The following TMEM170A variants were observed in gnomAD, a reference collection of about 807,000 sequenced individuals.
TMEM170A encodes the protein transmembrane protein 170A, also known as transmembrane protein 170.
Under a neutral mutation model 12.8 loss-of-function variants are expected in TMEM170A, and 18 were observed. The ratio of observed to expected loss-of-function variants is 1.41; its 90% CI spans 0.97 to 2.09. TMEM170A has a LOEUF of 2.09. TMEM170A is among the 30% of genes most tolerant of loss of function. The pLI, the probability that TMEM170A is intolerant of heterozygous loss-of-function variation, is 0.00. For missense variants in TMEM170A, 220 were observed against 179.9 expected, an observed-to-expected ratio of 1.22 and a Z score of -1.28; for synonymous variants, 107 against 76.2, an observed-to-expected ratio of 1.40 and a Z score of -2.11.
chr16:75,463,548 T>C (rs12446877), intron 1 of TMEM170A, among the ~76,000 whole-genome samples: 80,114 of 151,820 alleles, frequency 0.53, 22,894 homozygotes, highest in Admixed American at 0.67. Flanking sequence ...TGTTTGGAAC[T>C]AGAGTCTGGA....
chr16:75,461,005 C>G (rs1567704929), intron 1 of TMEM170A, among the ~76,000 whole-genome samples: 1 of 152,078 alleles, frequency 6.6e-6, no homozygotes, highest in Non-Finnish European at 1.5e-5. Context: ...AAAATGACAA[C>G]AATAAAGGAA....
At chr16:75,462,299 A>C (rs913101877) in intron 1 of TMEM170A, among the ~76,000 whole-genome samples, 3 of 152,252 alleles carry the variant, frequency 2.0e-5, no homozygotes, top group Admixed American at 2.0e-4. Flanking sequence ...GGCTCACTGC[A>C]ACCTCTGCCT....
At chr16:75,453,593 T>C (rs2079727901) in intron 1 of TMEM170A, among the ~76,000 whole-genome samples, 2 of 152,252 alleles carry the variant, frequency 1.3e-5, no homozygotes. Context: ...TATACAATTA[T>C]ATTCATTCCA....
intron 1 of TMEM170A, among the ~76,000 whole-genome samples, chr16:75,455,356 C>CAAAAAAAAAAAA (rs59205915): frequency 9.0e-6 from 1 of 110,806 alleles, no homozygotes; most frequent in Non-Finnish European, 1.8e-5. Context: ...GACACTGTCT[C>CAAAAAAAAAAAA]AAAAAAAAAA....
At chr16:75,453,990 G>A (rs918203640) in intron 1 of TMEM170A, among the ~76,000 whole-genome samples, 12 of 152,364 alleles carry the variant, frequency 7.9e-5, no homozygotes, top group African/African-American at 2.6e-4. Flanking sequence ...GCTACCCACA[G>A]GGAGGGACTG....
Position 75,449,405 on chromosome 16 carries a change from G to A in TMEM170A, c.305-1717C>T, listed in dbSNP as rs1001867084. 2.0e-5 allele frequency among the ~76,000 whole-genome samples: 3 copies of A among 150,316 alleles called. No individual in the cohort carries two copies. The South Asian group carries it at 6.3e-4, about 31-fold the overall frequency. ...TGCGGTGGCATGATCATGGCTCCCT[G>A]CAGCCTCAACCTCCTGGGCTCAAGT... On this transcript the variant is annotated intron_variant, in intron 2 of 2. Transcript: ENST00000561878.
chr16:75,453,215 C>T (rs531899962), intron 1 of TMEM170A, among the ~76,000 whole-genome samples: 25 of 152,286 alleles, frequency 1.6e-4, no homozygotes, highest in South Asian at 8.3e-4. Flanking sequence ...GGGCAGGTCG[C>T]TTGAGCCCAG....
chr16:75,451,718 G>A lies in TMEM170A; in HGVS notation c.255C>T (p.Ser85=). 6.2e-7 allele frequency: 1 copy of A among 1,614,182 alleles called. No homozygotes were observed. Among genetic ancestry groups the A allele is most frequent in the Non-Finnish European group, 8.5e-7 (1 of 1,180,028 alleles). The change falls in exon 2 of 3, where the codon AGC becomes AGT. Residue 85 remains serine, a synonymous_variant. Coordinates refer to ENST00000561878, the MANE Select transcript of TMEM170A (RefSeq NM_145254.3). ...HHKYGRFMSV[S]ILLMGIVGPI... Reference sequence around the variant, plus strand: ...GTCCCACGATGCCCATCAACAGGATGCTTACAGACATGAACCTACCATATT... The same window carrying A: ...GTCCCACGATGCCCATCAACAGGATACTTACAGACATGAACCTACCATATT...
chr16:75,451,844 G>C lies in TMEM170A; in HGVS notation c.134-5C>G. ...GGAATACACCATACCACATCTCTAT[G>C]AGGGAAGACAAAGAAAAGTTGTGAA... On this transcript the variant is annotated splice_region_variant and splice_polypyrimidine_tract_variant and intron_variant, in intron 1 of 2. Coordinates refer to ENST00000561878, the MANE Select transcript of TMEM170A (RefSeq NM_145254.3). 32 of 1,605,006 alleles carry C rather than the reference G, an allele frequency of 2.0e-5. No individual in the cohort carries two copies. Among genetic ancestry groups the C allele is most frequent in the Non-Finnish European group, 2.7e-5 (32 of 1,175,016 alleles).
Position 75,456,978 on chromosome 16 carries a change from C to A in TMEM170A, c.134-5139G>T, listed in dbSNP as rs572267833. Among the ~76,000 whole-genome samples, 3 of 152,206 alleles carry A rather than the reference C, an allele frequency of 2.0e-5. No individual in the cohort carries two copies. In the East Asian group the frequency reaches 5.8e-4, roughly 29 times the overall value. On this transcript the variant is annotated intron_variant, in intron 1 of 2. Coordinates refer to ENST00000561878, the MANE Select transcript of TMEM170A (RefSeq NM_145254.3). ...CCAAATCAATCTGATCCTGACTACC[C>A]CAACACCTAGTCTACAGAAAATTCT...
chr16:75,464,655 G>C lies in TMEM170A; in HGVS notation c.-55C>G. ...GGACGAGCGCCCGAAGTGCGGTAGC[G>C]GCCGGCGCCGACTCACCCTCGCCGC... is the stretch of plus-strand genomic sequence containing the variant. On this transcript the variant is annotated 5_prime_UTR_variant, in exon 1 of 3. Transcript: ENST00000561878. The C allele has an allele frequency of 6.5e-7, 1 of 1,536,360 alleles. No individual in the cohort carries two copies. Among genetic ancestry groups the C allele is most frequent in the Admixed American group, 2.1e-5 (1 of 46,568 alleles).
chr16:75,464,459 G>A lies in TMEM170A; in HGVS notation c.133+9C>T, dbSNP rs1368928735. 1 of 1,479,792 alleles carries A rather than the reference G, an allele frequency of 6.8e-7. No homozygotes were observed. Among genetic ancestry groups the A allele is most frequent in the South Asian group, 1.3e-5 (1 of 76,964 alleles). The allele number at this position is 1,479,792 out of a possible 1,614,324, so 91.7% of individuals were successfully genotyped here. A position where few individuals can be genotyped will look rare whatever the true frequency, so the allele number is the denominator to read the frequency against. ...GGCGCGCAGTGCGCAGGCGCGGGGC[G>A]GGCCGTACCTGGGAAGGAGCAGAGG... On this transcript the variant is annotated intron_variant, in intron 1 of 2. Coordinates refer to ENST00000561878, the MANE Select transcript of TMEM170A (RefSeq NM_145254.3).
intron 1 of TMEM170A, among the ~76,000 whole-genome samples, chr16:75,457,225 A>G (rs1389508063): frequency 6.6e-6 from 1 of 152,208 alleles, no homozygotes; most frequent in African/African-American, 2.4e-5. Flanking sequence ...CTGGCTTCCT[A>G]CCAGCTGCCA....
intron 2 of TMEM170A, chr16:75,451,444 G>C (rs1468383531): frequency 1.7e-6 from 1 of 603,340 alleles, no homozygotes; most frequent in Non-Finnish European, 2.9e-6. Flanking sequence ...AGCTTCTTGG[G>C]AGGCTGATGG....
rs569481777 is a variant in TMEM170A at position 75,445,848 on chromosome 16, A to C, written c.*1710T>G. 7 of 152,232 alleles carry C rather than the reference A, an allele frequency of 4.6e-5. No individual in the cohort carries two copies. Among genetic ancestry groups the C allele is most frequent in the African/African-American group, 1.7e-4 (7 of 41,558 alleles). 9.4% of individuals were successfully genotyped at this position (152,232 alleles called of 1,614,324 possible). On this transcript the variant is annotated 3_prime_UTR_variant, in exon 3 of 3. Transcript: ENST00000561878. ...GTGTATATGACCTCATGGGCTGTTAAGCCTTAATCTCACAATGAAAACTTT... is the reference window on the plus strand; with the variant it reads ...GTGTATATGACCTCATGGGCTGTTACGCCTTAATCTCACAATGAAAACTTT...
At chr16:75,451,629 T>C (rs774445463) in intron 2 of TMEM170A, 40 bp downstream of exon 2, 42 of 1,604,028 alleles carry the variant, frequency 2.6e-5, no homozygotes, top group Non-Finnish European at 1.7e-6. Flanking sequence ...TGACTAGTCA[T>C]ATTAAACATT....
At chr16:75,463,303 T>C (rs923248609) in intron 1 of TMEM170A, among the ~76,000 whole-genome samples, 8 of 152,090 alleles carry the variant, frequency 5.3e-5, no homozygotes, top group Non-Finnish European at 7.4e-5. Context: ...TTTTTTGATA[T>C]CACTGTCAAA....
intron 1 of TMEM170A, among the ~76,000 whole-genome samples, chr16:75,454,457 A>AACAC (rs2079748525): frequency 1.5e-5 from 1 of 66,574 alleles, no homozygotes; most frequent in South Asian, 5.4e-4. Context: ...TCTCTCTAAA[A>AACAC]ATACACACAC....
intron 1 of TMEM170A, among the ~76,000 whole-genome samples, chr16:75,464,045 C>G (rs2079952923): frequency 6.6e-6 from 1 of 152,218 alleles, no homozygotes; most frequent in Non-Finnish European, 1.5e-5. Context: ...CGAGCTCTGA[C>G]TCCTCAGCGC....
Sources: gnomAD v4.1 joint callset for allele counts (sites outside exome capture counted in the v4.1 genomes callset) on GRCh38, gnomAD v4.1.1 for gene constraint, MANE v1.5 for transcripts, NCBI Gene and HGNC (gene_info 2026-07-23, HGNC 2026-07-21) for gene names.